The following RAPGEF4 variants were observed in gnomAD, a reference collection of about 807,000 sequenced individuals.
RAPGEF4 encodes Rap guanine nucleotide exchange factor 4.
RAPGEF4 carries 66 observed loss-of-function variants against 147.9 expected under a neutral mutation model. That is an observed-to-expected ratio of 0.45 (90% CI 0.37 to 0.55). The LOEUF is 0.55. Among genes scored for constraint, RAPGEF4 ranks in the 20% least tolerant of loss-of-function variants. The pLI is 0.00. For missense variants in RAPGEF4, 1,071 were observed against 1,257.3 expected, an observed-to-expected ratio of 0.85 and a Z score of 2.24; for synonymous variants, 419 against 442.7, an observed-to-expected ratio of 0.95 and a Z score of 0.67.
intron 4 of RAPGEF4, among the ~76,000 whole-genome samples, chr2:172,902,815 A>T (rs2149967776): frequency 6.6e-6 from 1 of 152,324 alleles, no homozygotes; most frequent in East Asian, 1.9e-4. Context: ...AGAAAGTAGG[A>T]TCCACTCAAA....
chr2:172,865,945 G>A (rs1694594983), intron 4 of RAPGEF4, among the ~76,000 whole-genome samples: 2 of 152,004 alleles, frequency 1.3e-5, no homozygotes, highest in African/African-American at 4.8e-5. Context: ...AGATAGAAGA[G>A]GTTTTTCCTC....
intron 1 of RAPGEF4, among the ~76,000 whole-genome samples, chr2:172,774,320 C>T (rs1161389553): frequency 6.6e-6 from 1 of 152,094 alleles, no homozygotes; most frequent in African/African-American, 2.4e-5. Flanking sequence ...CTCTGGTGGC[C>T]TTCCCATGGT....
intron 1 of RAPGEF4, among the ~76,000 whole-genome samples, chr2:172,790,940 T>C (rs988517153): frequency 6.6e-6 from 1 of 152,170 alleles, no homozygotes; most frequent in African/African-American, 2.4e-5. Flanking sequence ...GAAATTTATT[T>C]CTCACAGTTC....
intron 6 of RAPGEF4, among the ~76,000 whole-genome samples, chr2:172,927,896 C>T (rs1180590939): frequency 1.3e-5 from 2 of 152,180 alleles, no homozygotes; most frequent in Admixed American, 6.5e-5. Flanking sequence ...CTGAAACTCA[C>T]GTGTAACTGG....
chr2:172,908,100 T>C (rs1460454753), intron 4 of RAPGEF4, among the ~76,000 whole-genome samples: 1 of 152,212 alleles, frequency 6.6e-6, no homozygotes, highest in African/African-American at 2.4e-5. Context: ...AGCTCCCAAA[T>C]GCAGAGGAAA....
intron 4 of RAPGEF4, among the ~76,000 whole-genome samples, chr2:172,885,610 C>T (rs1697116802): frequency 6.6e-6 from 1 of 152,112 alleles, no homozygotes. Context: ...AAAATGAGAG[C>T]CAAATGAAAG....
intron 6 of RAPGEF4, among the ~76,000 whole-genome samples, chr2:172,959,972 G>A (rs1239247875): frequency 6.6e-6 from 1 of 152,072 alleles, no homozygotes; most frequent in African/African-American, 2.4e-5. Context: ...GTAGTCCTAG[G>A]TGCTTGGGAA....
Position 172,911,797 on chromosome 2 carries a change from AT to A in RAPGEF4, c.445-6000del, listed in dbSNP as rs1162420538. ...TTTTTTTTTTTTCATAAGAGACAGGATTTTTGCTCTGTCACTCAGGCTAGAG... is the reference window on the plus strand; with the variant it reads ...TTTTTTTTTTTTCATAAGAGACAGGATTTTGCTCTGTCACTCAGGCTAGAG... On this transcript the variant is annotated intron_variant, in intron 4 of 30. Coordinates refer to ENST00000397081, the MANE Select transcript of RAPGEF4 (RefSeq NM_007023.4). Among the ~76,000 whole-genome samples, 4 of 82,252 alleles carry A rather than the reference AT, an allele frequency of 4.9e-5. No homozygotes were observed. In the Admixed American group the frequency reaches 5.4e-4, roughly 11 times the overall value. The allele number at this position is 82,252 out of a possible 152,430, so 54.0% of individuals were successfully genotyped here.
intron 4 of RAPGEF4, among the ~76,000 whole-genome samples, chr2:172,863,903 TATATAAGCAATATTAAGCAATG>T (rs3835840): frequency 0.1 from 15,150 of 152,238 alleles, 767 homozygotes; most frequent in South Asian, 0.15. Flanking sequence ...AATTAAAGCA[TATATAAGCAATATTAAGCAATG>T]ACTATATAAG....
intron 3 of RAPGEF4, among the ~76,000 whole-genome samples, chr2:172,812,795 A>C (rs1190833348): frequency 6.6e-6 from 1 of 152,244 alleles, no homozygotes; most frequent in Non-Finnish European, 1.5e-5. Flanking sequence ...AGGTGATAGA[A>C]AAATGAAATA....
chr2:172,766,276 G>T (rs577328735), intron 1 of RAPGEF4, among the ~76,000 whole-genome samples: 1 of 152,226 alleles, frequency 6.6e-6, no homozygotes, highest in South Asian at 2.1e-4. Flanking sequence ...TTGGGGCCGG[G>T]CACGGTGGCT....
At chr2:172,765,366 C>G (rs962504355) in intron 1 of RAPGEF4, among the ~76,000 whole-genome samples, 1 of 152,222 alleles carries the variant, frequency 6.6e-6, no homozygotes, top group Non-Finnish European at 1.5e-5. Flanking sequence ...CAACCCAGTA[C>G]AGACAATAAC....
At chr2:172,768,636 A>G (rs965890057) in intron 1 of RAPGEF4, among the ~76,000 whole-genome samples, 3 of 152,158 alleles carry the variant, frequency 2.0e-5, no homozygotes, top group Non-Finnish European at 4.4e-5. Flanking sequence ...CAGTTCTGCC[A>G]AAGACATTCT....
At chr2:172,931,310 A>G (rs1685949296) in intron 6 of RAPGEF4, among the ~76,000 whole-genome samples, 1 of 151,896 alleles carries the variant, frequency 6.6e-6, no homozygotes, top group Non-Finnish European at 1.5e-5. Flanking sequence ...TCCTGTTTCT[A>G]TAGCCTCAGT....
intron 10 of RAPGEF4, among the ~76,000 whole-genome samples, chr2:172,977,582 C>A (rs1000075007): frequency 6.6e-6 from 1 of 151,866 alleles, no homozygotes; most frequent in Non-Finnish European, 1.5e-5. Context: ...GAACACTGAG[C>A]CCCCACTAGG....
chr2:173,035,983 A>G, intron 27 of RAPGEF4, 142 bp from the exon 28 acceptor site: 1 of 637,370 alleles, frequency 1.6e-6, no homozygotes, highest in East Asian at 2.8e-5. Flanking sequence ...AGCCATGTAT[A>G]AGTGACCCAC....
At chr2:172,995,924 T>C (rs1032345694) in intron 15 of RAPGEF4, among the ~76,000 whole-genome samples, 2 of 152,232 alleles carry the variant, frequency 1.3e-5, no homozygotes, top group African/African-American at 2.4e-5. Context: ...ATCAGTGTTA[T>C]GGGGTTTTGT....
intron 4 of RAPGEF4, among the ~76,000 whole-genome samples, chr2:172,889,429 C>T (rs1294407936): frequency 2.6e-5 from 4 of 152,088 alleles, no homozygotes; most frequent in Non-Finnish European, 4.4e-5. Context: ...GACCAATTTA[C>T]GAACGGTTGC....
At chr2:173,016,496 T>G in intron 19 of RAPGEF4, 59 bp downstream of exon 19, 1 of 1,399,632 alleles carries the variant, frequency 7.1e-7, no homozygotes, top group Admixed American at 1.7e-5. Flanking sequence ...AAAAAGTCCT[T>G]TGCCCACAAG....
Sources: allele counts gnomAD v4.1 joint callset (sites outside exome capture counted in the v4.1 genomes callset), GRCh38; gene constraint gnomAD v4.1.1; transcripts MANE v1.5; gene names NCBI Gene and HGNC (gene_info 2026-07-23, HGNC 2026-07-21).